The following CORO1C variants were observed in gnomAD, a reference collection of about 807,000 sequenced individuals.
CORO1C encodes coronin 1C, also known as coronin-1C.
CORO1C carries 14 observed loss-of-function variants against 51.2 expected under a neutral mutation model. The observed-to-expected ratio is 0.27, with a 90% CI of 0.18 to 0.43. The LOEUF (loss-of-function observed/expected upper bound fraction) is 0.43. Among genes scored for constraint, CORO1C ranks in the 20% least tolerant of loss-of-function variants. The pLI, the probability that CORO1C is intolerant of heterozygous loss-of-function variation, is 1.00. For synonymous variants in CORO1C, 181 were observed against 210.5 expected, an observed-to-expected ratio of 0.86 and a Z score of 1.21; for missense variants, 417 against 607.8, an observed-to-expected ratio of 0.69 and a Z score of 3.30.
At chr12:108,715,705 C>G (rs1039928351) in intron 1 of CORO1C, among the ~76,000 whole-genome samples, 7 of 117,850 alleles carry the variant, frequency 5.9e-5, no homozygotes, top group Admixed American at 1.8e-4. Flanking sequence ...CACAGGAGAC[C>G]AGACTCAGAA....
At chr12:108,713,150 T>C (rs1592942722) in intron 1 of CORO1C, among the ~76,000 whole-genome samples, 2 of 152,162 alleles carry the variant, frequency 1.3e-5, no homozygotes, top group Non-Finnish European at 1.5e-5. Flanking sequence ...AAAGACCACA[T>C]GCAACATTTG....
intron 1 of CORO1C, among the ~76,000 whole-genome samples, chr12:108,727,121 C>T (rs1056525711): frequency 6.6e-6 from 1 of 152,210 alleles, no homozygotes; most frequent in Non-Finnish European, 1.5e-5. Context: ...ATGACCAAGC[C>T]ATGAACAAGA....
At chr12:108,728,798 A>G (rs2136894740) in intron 1 of CORO1C, among the ~76,000 whole-genome samples, 1 of 152,348 alleles carries the variant, frequency 6.6e-6, no homozygotes, top group East Asian at 1.9e-4. Flanking sequence ...TTCTGTTTTA[A>G]TACAGAAAAG....
At chr12:108,699,951 A>T (rs2034814048) in intron 2 of CORO1C, among the ~76,000 whole-genome samples, 1 of 152,208 alleles carries the variant, frequency 6.6e-6, no homozygotes. Context: ...TGTTATAATA[A>T]AACAAGTTAG....
intron 1 of CORO1C, among the ~76,000 whole-genome samples, chr12:108,711,267 A>G (rs887873040): frequency 6.6e-6 from 1 of 151,886 alleles, no homozygotes; most frequent in Non-Finnish European, 1.5e-5. Context: ...CTACTCGGGG[A>G]GCTGAGGTGG....
intron 8 of CORO1C, 141 bp from the exon 9 acceptor site, chr12:108,649,161 T>C (rs943654861): frequency 1.0e-5 from 9 of 888,584 alleles, no homozygotes; most frequent in East Asian, 7.8e-5. Flanking sequence ...ACCCCGGGAA[T>C]AGGCAGAATT....
chr12:108,727,848 A>G (rs2035628136), intron 1 of CORO1C, among the ~76,000 whole-genome samples: 1 of 152,216 alleles, frequency 6.6e-6, no homozygotes, highest in Non-Finnish European at 1.5e-5. Flanking sequence ...CATACAGCTG[A>G]TAAGGCACTT....
chr12:108,674,514 C>T (rs2033834500), intron 3 of CORO1C, among the ~76,000 whole-genome samples: 1 of 150,260 alleles, frequency 6.7e-6, no homozygotes, highest in Admixed American at 6.6e-5. Context: ...TACCACTGCG[C>T]TCCAGCCTGG....
At chr12:108,724,174 T>G (rs536724663) in intron 1 of CORO1C, among the ~76,000 whole-genome samples, 1 of 152,238 alleles carries the variant, frequency 6.6e-6, no homozygotes, top group South Asian at 2.1e-4. Flanking sequence ...ACAACATAGG[T>G]ACATGCTACC....
chr12:108,659,538 A>G (rs760356719), intron 4 of CORO1C, among the ~76,000 whole-genome samples: 2 of 152,256 alleles, frequency 1.3e-5, no homozygotes, highest in Non-Finnish European at 2.9e-5. Context: ...GTGCACATAC[A>G]TAAATTATTT....
At chr12:108,680,352 T>C (rs985861371) in intron 2 of CORO1C, among the ~76,000 whole-genome samples, 1 of 152,182 alleles carries the variant, frequency 6.6e-6, no homozygotes, top group Non-Finnish European at 1.5e-5. Context: ...ATTCCTCCAC[T>C]TTCCCTTGCA....
chr12:108,662,022 C>T lies in CORO1C; in HGVS notation c.448+7G>A. 6.2e-7 allele frequency: 1 copy of T among 1,614,150 alleles called. No individual in the cohort carries two copies. The highest frequency in any genetic ancestry group is 8.5e-7 in the Non-Finnish European group (1 of 1,180,016). On this transcript the variant is annotated splice_region_variant and intron_variant, in intron 4 of 10. Transcript: ENST00000261401. The stretch of plus-strand genomic sequence containing the variant: ...ACAAGGGGAGGACCGCTGAGCTCAG[C>T]TCCCACCTGCACTAAGAAGCACATT...
chr12:108,648,472 C>A, intron 10 of CORO1C, 133 bp downstream of exon 10: 1 of 1,230,270 alleles, frequency 8.1e-7, no homozygotes, highest in Non-Finnish European at 1.1e-6. Context: ...AGGACCTTCT[C>A]CCACTTTTTC....
At chr12:108,673,591 T>C (rs1355790925) in intron 3 of CORO1C, among the ~76,000 whole-genome samples, 1 of 152,234 alleles carries the variant, frequency 6.6e-6, no homozygotes, top group Non-Finnish European at 1.5e-5. Flanking sequence ...AGATGCCATC[T>C]AGAACTTTCA....
chr12:108,719,281 A>G (rs1224132762), intron 1 of CORO1C, among the ~76,000 whole-genome samples: 3 of 152,220 alleles, frequency 2.0e-5, no homozygotes, highest in Non-Finnish European at 2.9e-5. Context: ...ACTTTTTTAA[A>G]CAACTACATT....
At chr12:108,697,226 T>C (rs1295150410) in intron 2 of CORO1C, among the ~76,000 whole-genome samples, 1 of 152,184 alleles carries the variant, frequency 6.6e-6, no homozygotes, top group Non-Finnish European at 1.5e-5. Context: ...GAAAGGGTCA[T>C]AATCCACCTT....
chr12:108,663,707 T>G (rs1260715135), intron 3 of CORO1C, among the ~76,000 whole-genome samples: 1 of 152,164 alleles, frequency 6.6e-6, no homozygotes, highest in African/African-American at 2.4e-5. Flanking sequence ...GGAGGGGTGA[T>G]AGCTAAAGGA....
intron 2 of CORO1C, among the ~76,000 whole-genome samples, chr12:108,680,938 C>T (rs914769358): frequency 6.6e-6 from 1 of 152,230 alleles, no homozygotes; most frequent in Non-Finnish European, 1.5e-5. Flanking sequence ...GGCATTCATC[C>T]TATTTTACAT....
At chr12:108,670,564 C>T (rs1017579065) in intron 3 of CORO1C, among the ~76,000 whole-genome samples, 1 of 152,054 alleles carries the variant, frequency 6.6e-6, no homozygotes, top group Admixed American at 6.6e-5. Flanking sequence ...AGCAAGGCAC[C>T]ATGTTTCTGA....
Sources: allele counts gnomAD v4.1 joint callset (sites outside exome capture counted in the v4.1 genomes callset), GRCh38; gene constraint gnomAD v4.1.1; transcripts MANE v1.5; gene names NCBI Gene and HGNC (gene_info 2026-07-23, HGNC 2026-07-21).